Variants in FBXL14 observed in about 807,000 individuals in gnomAD.
FBXL14 encodes the protein F-box and leucine rich repeat protein 14.
FBXL14 carries 11 observed loss-of-function variants against 24.5 expected under a neutral mutation model. The observed-to-expected ratio is 0.45, with a 90% CI of 0.28 to 0.74. The LOEUF is 0.74. Among genes scored for constraint, FBXL14 ranks in the 30% least tolerant of loss-of-function variants. The probability of loss-of-function intolerance (pLI) is 0.12; values close to 1 mark genes in which losing one functional copy is unlikely to be tolerated. For missense variants in FBXL14, 384 were observed against 545.6 expected, an observed-to-expected ratio of 0.70 and a Z score of 2.95; for synonymous variants, 294 against 240.4, an observed-to-expected ratio of 1.22 and a Z score of -2.06.
chr12:1,582,180 AAAGAAAGG>A (rs1244391955), intron 1 of FBXL14, among the ~76,000 whole-genome samples: 1 of 151,970 alleles, frequency 6.6e-6, no homozygotes, highest in African/African-American at 2.4e-5. Context: ...AAAAGAAAGA[AAAGAAAGG>A]AAGAAAAGGA....
In FBXL14 at chr12:1,586,561, C is replaced by A. The variant is rs1055676368; in HGVS notation, c.1194+6312G>T. Among the ~76,000 whole-genome samples the A allele has an allele frequency of 2.0e-5, 3 of 152,070 alleles. No individual in the cohort carries two copies. In the South Asian group the frequency reaches 6.2e-4, roughly 31 times the overall value. On this transcript the variant is annotated intron_variant, in intron 1 of 1. Transcript: ENST00000339235. Reference sequence around the variant, plus strand: ...GGTGCTTTGCAGTGCCCCTGTGAGCCGCCTCCATGCTGGTCACCTTCTGCA... The same window carrying A: ...GGTGCTTTGCAGTGCCCCTGTGAGCAGCCTCCATGCTGGTCACCTTCTGCA...
chr12:1,579,703 G>T lies in FBXL14; in HGVS notation c.1195-12893C>A, dbSNP rs1345662550. 1.3e-5 allele frequency among the ~76,000 whole-genome samples: 2 copies of T among 152,136 alleles called. No homozygotes were observed. Among genetic ancestry groups the T allele is most frequent in the African/African-American group, 4.8e-5 (2 of 41,426 alleles). ...GAAAGGACCTGAAAATTATTACTCAGGCTGGTATTTAGTTTGCTGACTTTT... is the reference window on the plus strand; with the variant it reads ...GAAAGGACCTGAAAATTATTACTCATGCTGGTATTTAGTTTGCTGACTTTT... On this transcript the variant is annotated intron_variant, in intron 1 of 1. Coordinates refer to ENST00000339235, the MANE Select transcript of FBXL14 (RefSeq NM_152441.3). This position sits in a 1 kb window ranked among gnomAD's most constrained non-coding sequence, Gnocchi z 4.3.
intron 1 of FBXL14, among the ~76,000 whole-genome samples, chr12:1,572,186 A>G (rs2094446599): frequency 2.0e-5 from 3 of 152,258 alleles, no homozygotes; most frequent in Admixed American, 2.0e-4. Flanking sequence ...ATTTTAGGTG[A>G]CAGTATGACA....
chr12:1,583,093 G>T, intron 1 of FBXL14, among the ~76,000 whole-genome samples: 1 of 150,216 alleles, frequency 6.7e-6, no homozygotes, highest in African/African-American at 2.5e-5. Flanking sequence ...TCTTCATCTG[G>T]GCAATAAAGA....
rs2094496975 is a variant in FBXL14 at position 1,594,237 on chromosome 12, C to A, written c.-171G>T. Reference sequence around the variant, plus strand: ...CTTCCGGCTCCGGCCGCCGCCGCCGCTCCTCCTCCTGGTCCGTCCGTCCTT... The same window carrying A: ...CTTCCGGCTCCGGCCGCCGCCGCCGATCCTCCTCCTGGTCCGTCCGTCCTT... On this transcript the variant is annotated 5_prime_UTR_variant, in exon 1 of 2. Transcript: ENST00000339235. 2 of 238,572 alleles carry A rather than the reference C, an allele frequency of 8.4e-6. No homozygotes were observed. The highest frequency in any genetic ancestry group is 1.4e-5 in the Non-Finnish European group (2 of 140,514). 14.8% of individuals were successfully genotyped at this position (238,572 alleles called of 1,614,324 possible).
At chr12:1,568,283 C>T (rs1334022115) in intron 1 of FBXL14, among the ~76,000 whole-genome samples, 1 of 152,144 alleles carries the variant, frequency 6.6e-6, no homozygotes, top group Non-Finnish European at 1.5e-5. Context: ...AGAGAAAACC[C>T]ACCAGCCTAG....
At position 1,593,760 on chromosome 12, in the gene FBXL14, G is replaced by T. The variant is rs546251283; in HGVS notation, c.307C>A (p.Leu103Ile). Residue 103 changes from leucine to isoleucine, a missense_variant, in exon 1 of 2, where the codon CTC (leucine) becomes ATC (isoleucine). Physicochemically the swap from Leu to Ile is conservative, Grantham distance 5. Coordinates refer to ENST00000339235, the MANE Select transcript of FBXL14 (RefSeq NM_152441.3). This position sits in a 1 kb window ranked among gnomAD's most constrained non-coding sequence, Gnocchi z 7.4. The stretch of plus-strand genomic sequence containing the variant: ...GCGTGGCCCAGCCCGTTGTCGGTGA[G>T]GTTGTAGCAGCCGCTGAGGTTGAGG... ...ESLNLSGCYN[L>I]TDNGLGHAFV... 12 of 1,614,188 alleles carry T rather than the reference G, an allele frequency of 7.4e-6. No homozygotes were observed. In the South Asian group the frequency reaches 1.3e-4, roughly 18 times the overall value.
intron 1 of FBXL14, among the ~76,000 whole-genome samples, chr12:1,577,340 G>A (rs1263776245): frequency 6.6e-6 from 1 of 152,042 alleles, no homozygotes; most frequent in Non-Finnish European, 1.5e-5. Flanking sequence ...CCTCGGGGGA[G>A]GGCAGTGGGG....
intron 1 of FBXL14, among the ~76,000 whole-genome samples, chr12:1,585,146 C>T (rs147705175): frequency 0.012 from 1,798 of 152,276 alleles, 42 homozygotes; most frequent in African/African-American, 0.041. Context: ...CGCCTGTCAT[C>T]CCAGCACTTT....
In FBXL14 at chr12:1,567,157, T is replaced by C. The variant is rs988484318; in HGVS notation, c.1195-347A>G. On this transcript the variant is annotated intron_variant, in intron 1 of 1. Coordinates refer to ENST00000339235, the MANE Select transcript of FBXL14 (RefSeq NM_152441.3). The surrounding 1 kb of genome is among the most constrained non-coding windows in gnomAD (Gnocchi z 4.8). ...CACAGCCACTATCAAGAAAAAGATATAAGACATACTAAAGGGCAAATAGGG... is the reference window on the plus strand; with the variant it reads ...CACAGCCACTATCAAGAAAAAGATACAAGACATACTAAAGGGCAAATAGGG... Among the ~76,000 whole-genome samples, 1 of 151,908 alleles carries C rather than the reference T, an allele frequency of 6.6e-6. No homozygotes were observed. The highest frequency in any genetic ancestry group is 1.5e-5 in the Non-Finnish European group (1 of 67,980).
At chr12:1,570,015 T>C (rs958276571) in intron 1 of FBXL14, among the ~76,000 whole-genome samples, 1 of 152,350 alleles carries the variant, frequency 6.6e-6, no homozygotes, top group East Asian at 1.9e-4. Context: ...TTCAGATTCT[T>C]CCTAAGAGAA....
chr12:1,581,284 C>T (rs539179214), intron 1 of FBXL14, among the ~76,000 whole-genome samples: 1 of 152,156 alleles, frequency 6.6e-6, no homozygotes, highest in African/African-American at 2.4e-5. Context: ...CAGTGGCTGT[C>T]AGCCTGCAAA....
intron 1 of FBXL14, among the ~76,000 whole-genome samples, chr12:1,572,082 A>C (rs969774090): frequency 2.0e-5 from 3 of 152,242 alleles, no homozygotes; most frequent in Admixed American, 6.5e-5. Flanking sequence ...AAACAAGAGA[A>C]GTGGCAGTCA....
rs1197725947 is a variant in FBXL14 at position 1,569,068 on chromosome 12, G to T, written c.1195-2258C>A. Reference sequence around the variant, plus strand: ...TATAATCTCACAAGTATTTTCATAGGATTGAGATATAAAGAATATATTGAA... The same window carrying T: ...TATAATCTCACAAGTATTTTCATAGTATTGAGATATAAAGAATATATTGAA... On this transcript the variant is annotated intron_variant, in intron 1 of 1. Coordinates refer to ENST00000339235, the MANE Select transcript of FBXL14 (RefSeq NM_152441.3). This position sits in a 1 kb window ranked among gnomAD's most constrained non-coding sequence, Gnocchi z 4.2. Among the ~76,000 whole-genome samples, 1 of 152,104 alleles carries T rather than the reference G, an allele frequency of 6.6e-6. No individual in the cohort carries two copies. The highest frequency in any genetic ancestry group is 2.4e-5 in the African/African-American group (1 of 41,406).
chr12:1,566,893 C>G (rs1209700841), intron 1 of FBXL14, 83 bp from the exon 2 acceptor site: 2 of 735,814 alleles, frequency 2.7e-6, no homozygotes, highest in Non-Finnish European at 5.1e-6. Flanking sequence ...TCCCCTAACC[C>G]CACCGCGGCT....
intron 1 of FBXL14, among the ~76,000 whole-genome samples, chr12:1,573,302 C>T (rs1565582431): frequency 1.3e-5 from 2 of 152,146 alleles, no homozygotes; most frequent in South Asian, 4.1e-4. Flanking sequence ...ATTTGGGTTA[C>T]GTTAGTATCT....
At chr12:1,575,480 C>G (rs1288522159) in intron 1 of FBXL14, among the ~76,000 whole-genome samples, 2 of 152,214 alleles carry the variant, frequency 1.3e-5, no homozygotes, top group African/African-American at 4.8e-5. Flanking sequence ...GACACTGACA[C>G]TGTGCCGTTC....
At chr12:1,572,631 G>C (rs145364040) in intron 1 of FBXL14, among the ~76,000 whole-genome samples, 375 of 19,404 alleles carry the variant, frequency 0.019, 2 homozygotes, top group African/African-American at 0.037. Flanking sequence ...TCGGGGAAGC[G>C]GGGGGGCAGT....
At chr12:1,572,632 G>A (rs75040841) in intron 1 of FBXL14, among the ~76,000 whole-genome samples, 2 of 151,906 alleles carry the variant, frequency 1.3e-5, no homozygotes, top group African/African-American at 2.4e-5. Flanking sequence ...CGGGGAAGCG[G>A]GGGGGCAGTG....
Sources: gnomAD v4.1 joint callset for allele counts (sites outside exome capture counted in the v4.1 genomes callset) on GRCh38, gnomAD v4.1.1 for gene constraint, Gnocchi (gnomAD v3.1) non-coding constraint, MANE v1.5 for transcripts, NCBI Gene and HGNC (gene_info 2026-07-23, HGNC 2026-07-21) for gene names.